The following DYNC1LI1 variants were observed in gnomAD, a reference collection of about 807,000 sequenced individuals.
DYNC1LI1 encodes cytoplasmic dynein 1 light intermediate chain 1.
A neutral mutation model predicts 63.8 loss-of-function variants in DYNC1LI1; 19 were observed. That is an observed-to-expected ratio of 0.30 (90% CI 0.21 to 0.44). The LOEUF (loss-of-function observed/expected upper bound fraction) is 0.44. DYNC1LI1 is among the 20% of genes least tolerant of loss of function. DYNC1LI1 has a pLI of 1.00. For synonymous variants in DYNC1LI1, 225 were observed against 232.3 expected, an observed-to-expected ratio of 0.97 and a Z score of 0.28; for missense variants, 565 against 630.2, an observed-to-expected ratio of 0.90 and a Z score of 1.11.
At chr3:32,533,808 C>T (rs1697736612) in intron 7 of DYNC1LI1, among the ~76,000 whole-genome samples, 2 of 151,922 alleles carry the variant, frequency 1.3e-5, no homozygotes, top group Non-Finnish European at 2.9e-5. Context: ...ATAATCCTTC[C>T]ACCTCAGCCT....
At chr3:32,529,322 AAT>A (rs1355660542) in intron 11 of DYNC1LI1, among the ~76,000 whole-genome samples, 2 of 152,132 alleles carry the variant, frequency 1.3e-5, no homozygotes, top group African/African-American at 2.4e-5. Context: ...AAATTGATTA[AAT>A]ATAACAAAAC....
At chr3:32,536,209 T>G (rs764615468) in intron 6 of DYNC1LI1, among the ~76,000 whole-genome samples, 2 of 152,200 alleles carry the variant, frequency 1.3e-5, no homozygotes, top group Non-Finnish European at 2.9e-5. Flanking sequence ...TTATAATTTG[T>G]AGACACCATA....
chr3:32,542,161 G>A (rs1479972765), intron 4 of DYNC1LI1, among the ~76,000 whole-genome samples: 1 of 152,206 alleles, frequency 6.6e-6, no homozygotes, highest in Non-Finnish European at 1.5e-5. Context: ...TGTCACCCAT[G>A]CTGGAGTGCA....
At chr3:32,564,989 A>G (rs985868051) in intron 2 of DYNC1LI1, among the ~76,000 whole-genome samples, 5 of 152,180 alleles carry the variant, frequency 3.3e-5, no homozygotes, top group Non-Finnish European at 5.9e-5. Context: ...AAGGGGGGGA[A>G]AAAAGACTTT....
intron 6 of DYNC1LI1, among the ~76,000 whole-genome samples, chr3:32,534,950 A>G (rs1213393247): frequency 6.6e-6 from 1 of 152,238 alleles, no homozygotes; most frequent in African/African-American, 2.4e-5. Flanking sequence ...AAAGCACATG[A>G]AAGGACAATT....
chr3:32,529,766 G>T, intron 10 of DYNC1LI1, 106 bp from the exon 11 acceptor site: 2 of 1,007,894 alleles, frequency 2.0e-6, no homozygotes, highest in Non-Finnish European at 2.8e-6. Flanking sequence ...CTGTTCTACT[G>T]GTACTTTTAC....
chr3:32,538,537 A>G (rs905197261), intron 5 of DYNC1LI1, among the ~76,000 whole-genome samples: 5 of 151,864 alleles, frequency 3.3e-5, no homozygotes, highest in Non-Finnish European at 5.9e-5. Context: ...CGTCTCCACT[A>G]AAAATACAAA....
intron 10 of DYNC1LI1, among the ~76,000 whole-genome samples, 187 bp from the exon 11 acceptor site, chr3:32,529,847 C>T (rs1697671717): frequency 6.6e-6 from 1 of 152,170 alleles, no homozygotes; most frequent in East Asian, 1.9e-4. Flanking sequence ...AGAGGCCCAT[C>T]ACATTTTAAC....
At position 32,528,564 on chromosome 3, in the gene DYNC1LI1, G is replaced by A; in HGVS notation, c.1344C>T (p.Phe448=). The A allele has an allele frequency of 6.2e-7, 1 of 1,612,744 alleles. No individual in the cohort carries two copies. The highest frequency in any genetic ancestry group is 1.1e-5 in the South Asian group (1 of 90,854). ...ATSEGVLANF[F]NSLLSKKTGS... is the part of the protein sequence containing the mutation. Reference sequence around the variant, plus strand: ...CAGTCTTTTTACTCAACAAACTGTTGAAGAAATTTGCCAGAACGCCTTCAC... The same window carrying A: ...CAGTCTTTTTACTCAACAAACTGTTAAAGAAATTTGCCAGAACGCCTTCAC... The change falls in exon 12 of 13, where the codon TTC becomes TTT. Residue 448 remains phenylalanine (F), a synonymous_variant. Coordinates refer to ENST00000273130, the MANE Select transcript of DYNC1LI1 (RefSeq NM_016141.4).
At chr3:32,569,034 C>T (rs1698306455) in intron 2 of DYNC1LI1, among the ~76,000 whole-genome samples, 1 of 152,042 alleles carries the variant, frequency 6.6e-6, no homozygotes, top group Admixed American at 6.6e-5. Context: ...AAGATAAATC[C>T]ATGACAAAGT....
At chr3:32,563,711 ATTTCACACCAGCTGAAT>A (rs1383233663) in intron 2 of DYNC1LI1, among the ~76,000 whole-genome samples, 1 of 152,082 alleles carries the variant, frequency 6.6e-6, no homozygotes, top group Admixed American at 6.6e-5. Context: ...TCTCACATGG[ATTTCACACCAGCTGAAT>A]TACTGCTCTA....
chr3:32,561,890 T>C (rs958175871), intron 2 of DYNC1LI1, among the ~76,000 whole-genome samples: 4 of 151,264 alleles, frequency 2.6e-5, no homozygotes, highest in African/African-American at 9.7e-5. Context: ...AAGTGAACCA[T>C]GGTACATGAC....
intron 2 of DYNC1LI1, among the ~76,000 whole-genome samples, chr3:32,568,609 G>A (rs988550973): frequency 6.6e-6 from 1 of 151,866 alleles, no homozygotes. Flanking sequence ...TGTCAAAGGG[G>A]TGTTAAAAAA....
chr3:32,544,594 C>A (rs1424355687), intron 4 of DYNC1LI1, among the ~76,000 whole-genome samples: 2 of 151,970 alleles, frequency 1.3e-5, no homozygotes, highest in African/African-American at 4.8e-5. Flanking sequence ...ATGGTGAAAC[C>A]CCGTCTCTAC....
At chr3:32,528,720 C>A in intron 11 of DYNC1LI1, 119 bp from the exon 12 acceptor site, 1 of 1,005,804 alleles carries the variant, frequency 9.9e-7, no homozygotes, top group Non-Finnish European at 1.4e-6. Context: ...GTTTTATATT[C>A]CAAATTCAAG....
rs761275644 is a variant in DYNC1LI1 at position 32,546,397 on chromosome 3, G to A, written c.221-432C>T. ...TACTCCAGGCTGGGTAACAAAGCAA[G>A]ACTCTGTCTGAAGAAAAAAAAAAGA... On this transcript the variant is annotated intron_variant, in intron 2 of 12. Coordinates refer to ENST00000273130, the MANE Select transcript of DYNC1LI1 (RefSeq NM_016141.4). 1.5e-4 allele frequency among the ~76,000 whole-genome samples: 23 copies of A among 151,904 alleles called. No individual in the cohort carries two copies. The Middle Eastern group carries it at 0.014, about 90-fold the overall frequency.
At chr3:32,527,090 T>A (rs576043609) in intron 12 of DYNC1LI1, among the ~76,000 whole-genome samples, 182 bp from the exon 13 acceptor site, 20 of 152,260 alleles carry the variant, frequency 1.3e-4, no homozygotes, top group African/African-American at 4.8e-4. Flanking sequence ...GCCTGTAATC[T>A]CAGCACTTTG....
At chr3:32,533,877 CTTTT>C (rs57075516) in intron 7 of DYNC1LI1, among the ~76,000 whole-genome samples, 1 of 130,470 alleles carries the variant, frequency 7.7e-6, no homozygotes. Flanking sequence ...AGGTAACTTT[CTTTT>C]TTTTTTTTTT....
rs200356714 is a variant in DYNC1LI1, at chr3:32,570,748, C to T, written c.23G>A (p.Gly8Asp). MAAVGRV[G>D]SFGSSPPGLS... ...TCCCGGCGGAGAAGAACCGAAGGAG[C>T]CGACTCGCCCCACGGCCGCCATCTT... The change falls in exon 1 of 13, where the codon GGC (glycine) becomes GAC (aspartate). Residue 8 changes from glycine (G) to aspartate (D), a missense_variant. Gly to Asp is a moderately conservative substitution (Grantham distance 94, BLOSUM62 -1). Coordinates refer to ENST00000273130, the MANE Select transcript of DYNC1LI1 (RefSeq NM_016141.4). The T allele has an allele frequency of 3.0e-5, 48 of 1,605,122 alleles. No individual in the cohort carries two copies. The African/African-American group carries it at 6.4e-4, about 21-fold the overall frequency.
Sources: allele counts gnomAD v4.1 joint callset (sites outside exome capture counted in the v4.1 genomes callset), GRCh38; gene constraint gnomAD v4.1.1; transcripts MANE v1.5; gene names NCBI Gene and HGNC (gene_info 2026-07-23, HGNC 2026-07-21).